Variants in ASPRV1 observed in about 807,000 individuals in gnomAD.
ASPRV1 encodes the protein aspartic peptidase retroviral like 1.
ASPRV1 carries 7 observed loss-of-function variants against 11.0 expected under a neutral mutation model. The ratio of observed to expected loss-of-function variants is 0.64; its 90% CI spans 0.36 to 1.20. The LOEUF (loss-of-function observed/expected upper bound fraction) is 1.20. ASPRV1 is among the 50% of genes most tolerant of loss of function. The probability of loss-of-function intolerance (pLI) is 0.02; values close to 1 mark genes in which losing one functional copy is unlikely to be tolerated. For missense variants in ASPRV1, 299 were observed against 320.0 expected (o/e 0.93, Z 0.50); for synonymous variants, 136 against 138.4 (o/e 0.98, Z 0.12).
At chr2:70,030,232 G>C in the ASPRV1 span, 1 of 152,472 alleles carries the variant, frequency 6.6e-6, no homozygotes, top group Non-Finnish European at 1.5e-5. Flanking sequence ...AAAGCAGGCT[G>C]GGGGAAGGGA....
the ASPRV1 span, among the ~76,000 whole-genome samples, chr2:70,024,521 T>C: frequency 2.6e-5 from 4 of 152,316 alleles, no homozygotes; most frequent in African/African-American, 9.6e-5. Flanking sequence ...ATCTCCTACT[T>C]GCCTCCCCAA....
At chr2:69,976,963 A>T in the ASPRV1 span, among the ~76,000 whole-genome samples, 1 of 152,094 alleles carries the variant, frequency 6.6e-6, no homozygotes. Context: ...AAGCCGCGGC[A>T]GGTGGATCGC....
the ASPRV1 span, chr2:70,056,058 AACAC>A: frequency 8.5e-5 from 13 of 152,222 alleles, no homozygotes; most frequent in African/African-American, 3.1e-4. Context: ...AATGAACCCT[AACAC>A]ATTATGCTAA....
the ASPRV1 span, among the ~76,000 whole-genome samples, chr2:70,045,038 A>C: frequency 1.3e-5 from 2 of 152,174 alleles, no homozygotes; most frequent in African/African-American, 4.8e-5. Flanking sequence ...TATCTTTCCC[A>C]CATATGTTGC....
At chr2:69,934,154 G>T in the ASPRV1 span, among the ~76,000 whole-genome samples, 7 of 152,206 alleles carry the variant, frequency 4.6e-5, no homozygotes, top group African/African-American at 1.7e-4. Context: ...TGCAATGAAT[G>T]GTTAAGTAAG....
the ASPRV1 span, chr2:70,069,436 G>A: frequency 2.0e-5 from 3 of 152,202 alleles, no homozygotes; most frequent in African/African-American, 4.8e-5. Flanking sequence ...GCCTTCGGAT[G>A]CCATTTATAT....
At chr2:69,990,869 A>ACCTTCATAC in the ASPRV1 span, among the ~76,000 whole-genome samples, 15 of 152,192 alleles carry the variant, frequency 9.9e-5, no homozygotes, top group Admixed American at 7.2e-4. Context: ...CCCTCGGGCC[A>ACCTTCATAC]CCTTCATACG....
chr2:69,968,575 A>T, the ASPRV1 span: 1 of 152,390 alleles, frequency 6.6e-6, no homozygotes, highest in East Asian at 1.9e-4. Flanking sequence ...GATTGGCAAT[A>T]TTAATTATTG....
the ASPRV1 span, among the ~76,000 whole-genome samples, chr2:70,085,345 G>A: frequency 1.3e-5 from 2 of 152,120 alleles, no homozygotes; most frequent in African/African-American, 2.4e-5. Context: ...CACTGCATAA[G>A]ACAGCATTTC....
the ASPRV1 span, among the ~76,000 whole-genome samples, chr2:70,006,718 G>A: frequency 2.0e-5 from 3 of 152,134 alleles, no homozygotes; most frequent in South Asian, 6.2e-4. Context: ...GGAAGCAAGT[G>A]GGATCTGTAC....
chr2:69,965,431 T>C (rs1300077796), upstream of ASPRV1, among the ~76,000 whole-genome samples: 1 of 151,746 alleles, frequency 6.6e-6, no homozygotes, highest in African/African-American at 2.4e-5. Flanking sequence ...ACACTAACGA[T>C]AGCTGGTGGG....
the ASPRV1 span, among the ~76,000 whole-genome samples, chr2:70,000,371 C>A: frequency 9.0e-5 from 13 of 144,632 alleles, no homozygotes; most frequent in Admixed American, 1.4e-4. Context: ...TAATATATGA[C>A]AGACAAGGAG....
chr2:70,036,598 C>CA, the ASPRV1 span, among the ~76,000 whole-genome samples: 44 of 151,460 alleles, frequency 2.9e-4, no homozygotes, highest in African/African-American at 9.7e-4. Context: ...AAACAAAAAA[C>CA]AAAAAAAAGT....
chr2:70,022,706 A>G, the ASPRV1 span, among the ~76,000 whole-genome samples: 3 of 151,956 alleles, frequency 2.0e-5, no homozygotes, highest in Admixed American at 6.6e-5. Context: ...AAATAACACA[A>G]GCAAATTTTT....
chr2:70,052,328 G>C, the ASPRV1 span, among the ~76,000 whole-genome samples: 2 of 152,070 alleles, frequency 1.3e-5, no homozygotes, highest in African/African-American at 2.4e-5. Flanking sequence ...CCTTTATTCT[G>C]TATTTATTGA....
the ASPRV1 span, among the ~76,000 whole-genome samples, chr2:69,948,105 G>A: frequency 1.3e-5 from 2 of 150,382 alleles, no homozygotes; most frequent in South Asian, 2.1e-4. Context: ...AAAATTAGCC[G>A]AGGTAGTGGC....
chr2:69,936,498 A>G, the ASPRV1 span, among the ~76,000 whole-genome samples: 6 of 152,200 alleles, frequency 3.9e-5, no homozygotes, highest in South Asian at 2.1e-4. Context: ...GCATGTTTGT[A>G]TAATCATATT....
chr2:70,073,544 T>TAA, the ASPRV1 span, among the ~76,000 whole-genome samples: 1 of 152,174 alleles, frequency 6.6e-6, no homozygotes, highest in Non-Finnish European at 1.5e-5. Context: ...TAACGATACT[T>TAA]TGTTAAGTAT....
the ASPRV1 span, among the ~76,000 whole-genome samples, chr2:69,992,947 T>C: frequency 6.6e-6 from 1 of 152,248 alleles, no homozygotes; most frequent in African/African-American, 2.4e-5. Flanking sequence ...AGACTGTTGC[T>C]TTCTCAGACG....
Sources: gnomAD v4.1 joint callset for allele counts (sites outside exome capture counted in the v4.1 genomes callset) on GRCh38, gnomAD v4.1.1 for gene constraint, MANE v1.5 for transcripts, NCBI Gene and HGNC (gene_info 2026-07-23, HGNC 2026-07-21) for gene names.